FRMD1: variants seen among roughly 807,000 people sequenced by gnomAD.
The protein encoded by FRMD1 is FERM domain containing 1, also known as FERM domain-containing protein 1.
In FRMD1, 51 loss-of-function variants were observed where a neutral mutation model predicts 54.9. That is an observed-to-expected ratio of 0.93 (90% confidence interval 0.74 to 1.17). The LOEUF is 1.17. Among genes scored for constraint, FRMD1 ranks in the 50% most tolerant of loss-of-function variants. The pLI is 0.00. For synonymous variants in FRMD1, 324 were observed against 306.4 expected, an observed-to-expected ratio of 1.06 and a Z score of -0.60; for missense variants, 729 against 743.0, an observed-to-expected ratio of 0.98 and a Z score of 0.22.
chr6:168,088,086 C>A (rs1352428751), intron 1 of FRMD1, among the ~76,000 whole-genome samples: 2 of 152,344 alleles, frequency 1.3e-5, no homozygotes, highest in Non-Finnish European at 2.9e-5. Flanking sequence ...CAGGCCCTCA[C>A]CCCACAACAA....
intron 2 of FRMD1, among the ~76,000 whole-genome samples, chr6:168,071,272 T>C (rs1442915729): frequency 1.3e-5 from 2 of 152,238 alleles, no homozygotes; most frequent in Non-Finnish European, 2.9e-5. Context: ...TGTTTTTTGC[T>C]ACAGGCCTCA....
chr6:168,078,812 ACGGC>A (rs1562430634), intron 1 of FRMD1, 66 bp downstream of exon 1: 21 of 1,155,658 alleles, frequency 1.8e-5, no homozygotes, highest in African/African-American at 7.6e-5. Flanking sequence ...GCTCACCCCC[ACGGC>A]CACCCGGAGC....
Position 168,075,777 on chromosome 6 carries a change from T to C in FRMD1, c.214-442A>G, listed in dbSNP as rs762030252. 8 of 1,550,672 alleles carry C rather than the reference T, an allele frequency of 5.2e-6. No individual in the cohort carries two copies. The South Asian group carries it at 7.1e-5, about 14-fold the overall frequency. ...CAACTGATGCGAGTGATCCCAACAG[T>C]GTTCCTACAGCTGAGCCTCTCACGG... On this transcript the variant is annotated intron_variant, in intron 1 of 10. Transcript: ENST00000283309.
chr6:168,091,884 C>T (rs1583216993), intron 1 of FRMD1, among the ~76,000 whole-genome samples: 1 of 128,874 alleles, frequency 7.8e-6, no homozygotes, highest in East Asian at 1.9e-4. Context: ...TCATTCCACT[C>T]ACTCCGGATC....
rs138335650 is a variant in FRMD1, at chr6:168,064,180, G to A, written c.649-424C>T. On this transcript the variant is annotated intron_variant, in intron 5 of 10. Transcript: ENST00000283309. Reference sequence around the variant, plus strand: ...GGGCACGTGTGGCATCCACAGCACTGGGAGGAAGCCTGGCTGGGCCCCACC... The same window carrying A: ...GGGCACGTGTGGCATCCACAGCACTAGGAGGAAGCCTGGCTGGGCCCCACC... Among the ~76,000 whole-genome samples the A allele has an allele frequency of 5.0e-4, 76 of 152,350 alleles. 1 individual carries two copies. The East Asian group carries it at 0.015, about 29-fold the overall frequency.
rs913146465 is a variant in FRMD1 at position 168,068,889 on chromosome 6, T to G, written c.305-1443A>C. Among the ~76,000 whole-genome samples the G allele has an allele frequency of 4.6e-5, 7 of 152,208 alleles. No individual in the cohort carries two copies. The East Asian group carries it at 1.3e-3, about 29-fold the overall frequency. On this transcript the variant is annotated intron_variant, in intron 2 of 10. Transcript: ENST00000283309. ...GCAGAAAGGGCATCACAGGGCCGGG[T>G]GCCTGGCTCAGCCCCTCTCTGCCCT...
intron 10 of FRMD1, 144 bp from the exon 11 acceptor site, chr6:168,057,483 G>A (rs1799474870): frequency 4.0e-6 from 5 of 1,250,170 alleles, no homozygotes; most frequent in Middle Eastern, 2.8e-4. Context: ...GCCTGCCCCT[G>A]GACGGGTCCC....
At position 168,054,030 on chromosome 6, in the gene FRMD1, G is replaced by A. The variant is rs2114930250; in HGVS notation, c.*3067C>T. ...CTGGGCTGATGGCTGAGGGCCCAGA[G>A]GAGTCCATGCTTCAACACAGGCAAG... On this transcript the variant is annotated 3_prime_UTR_variant, in exon 11 of 11. Transcript: ENST00000283309. 1 of 152,492 alleles carries A rather than the reference G, an allele frequency of 6.6e-6. No individual in the cohort carries two copies. The highest frequency in any genetic ancestry group is 1.9e-4 in the East Asian group (1 of 5,174). 9.4% of individuals were successfully genotyped at this position (152,492 alleles called of 1,614,324 possible).
rs998901784 is a variant in FRMD1 at position 168,062,654 on chromosome 6, A to AC, written c.870+239dup. 16 of 1,548,710 alleles carry AC rather than the reference A, an allele frequency of 1.0e-5. No homozygotes were observed. In the South Asian group the frequency reaches 1.6e-4, roughly 15 times the overall value. ...TGCCCAGGCTTTCCAGGGCACGGGGACCCCCCAGACACCCACCAGAAATGC... is the reference window on the plus strand; with the variant it reads ...TGCCCAGGCTTTCCAGGGCACGGGGACCCCCCCAGACACCCACCAGAAATGC... On this transcript the variant is annotated intron_variant, in intron 7 of 10. Transcript: ENST00000283309.
rs1462597977 is a variant in FRMD1, at chr6:168,063,594, G to A, written c.804+7C>T. On this transcript the variant is annotated splice_region_variant and intron_variant, in intron 6 of 10. Coordinates refer to ENST00000283309, the MANE Select transcript of FRMD1 (RefSeq NM_024919.6). ...TCCAGCCCATCGCTGGCCGCCCTGG[G>A]CTCGACCTTGTGCAGCCTGAAGAAG... is the stretch of plus-strand genomic sequence containing the variant. 3.7e-6 allele frequency: 6 copies of A among 1,606,532 alleles called. No individual in the cohort carries two copies. The East Asian group carries it at 8.9e-5, about 24-fold the overall frequency.
At chr6:168,085,351 C>T (rs1036177308), upstream of FRMD1, among the ~76,000 whole-genome samples, 2 of 152,242 alleles carry the variant, frequency 1.3e-5, no homozygotes, top group African/African-American at 4.8e-5. Flanking sequence ...CAGCCTCCCT[C>T]CACATGGCCA....
intron 2 of FRMD1, among the ~76,000 whole-genome samples, chr6:168,069,271 C>T (rs1370559280): frequency 6.6e-6 from 1 of 152,220 alleles, no homozygotes; most frequent in Non-Finnish European, 1.5e-5. Context: ...ACCCCAGCAC[C>T]CACTCGCTCT....
At position 168,059,467 on chromosome 6, in the gene FRMD1, T is replaced by C. The variant is rs1467610732; in HGVS notation, c.1343-279A>G. 1.3e-5 allele frequency among the ~76,000 whole-genome samples: 2 copies of C among 152,162 alleles called. No homozygotes were observed. Among genetic ancestry groups the C allele is most frequent in the Admixed American group, 6.5e-5 (1 of 15,280 alleles). On this transcript the variant is annotated intron_variant, in intron 9 of 10. Coordinates refer to ENST00000283309, the MANE Select transcript of FRMD1 (RefSeq NM_024919.6). This position sits in a 1 kb window ranked among gnomAD's most constrained non-coding sequence, Gnocchi z 4.4. Reference sequence around the variant, plus strand: ...CATCCTCAGAGATGGAGGCCAACCATCCCTTCCTGGTGGACCAGACACTCC... The same window carrying C: ...CATCCTCAGAGATGGAGGCCAACCACCCCTTCCTGGTGGACCAGACACTCC...
Position 168,057,075 on chromosome 6 carries a change from G to C in FRMD1, c.*22C>G, listed in dbSNP as rs754234084. 5 of 1,452,638 alleles carry C rather than the reference G, an allele frequency of 3.4e-6. No individual in the cohort carries two copies. The highest frequency in any genetic ancestry group is 1.4e-5 in the African/African-American group (1 of 69,670). The allele number at this position is 1,452,638 out of a possible 1,614,324, so 90.0% of individuals were successfully genotyped here. A position where few individuals can be genotyped will look rare whatever the true frequency, so the allele number is the denominator to read the frequency against. The stretch of plus-strand genomic sequence containing the variant: ...AGGGGCTGAGCCTGGCGGTGCGGAC[G>C]GTACTGCTGGGTGGGTGGTGCCTAC... On this transcript the variant is annotated 3_prime_UTR_variant, in exon 11 of 11. Transcript: ENST00000283309.
chr6:168,060,737 C>A (rs2114957394), intron 9 of FRMD1, 24 bp downstream of exon 9: 1 of 1,594,060 alleles, frequency 6.3e-7, no homozygotes, highest in Non-Finnish European at 8.6e-7. Context: ...GTCCCTGAGG[C>A]CTGGGCATCT....
chr6:168,091,036 G>C (rs1467233480), intron 1 of FRMD1, among the ~76,000 whole-genome samples: 2 of 152,236 alleles, frequency 1.3e-5, no homozygotes, highest in Non-Finnish European at 2.9e-5. Context: ...GGCTCCGTGG[G>C]GAGAAGGTGC....
At chr6:168,089,217 G>T (rs1800973923) in intron 1 of FRMD1, among the ~76,000 whole-genome samples, 1 of 152,214 alleles carries the variant, frequency 6.6e-6, no homozygotes, top group Non-Finnish European at 1.5e-5. Context: ...GATTTCTGTT[G>T]CCTTTGCTCC....
At chr6:168,083,850 C>T (rs1290786046), upstream of FRMD1, among the ~76,000 whole-genome samples, 1 of 152,236 alleles carries the variant, frequency 6.6e-6, no homozygotes, top group Non-Finnish European at 1.5e-5. Flanking sequence ...TTATTTCCTT[C>T]TCTTTTTGAT....
chr6:168,081,300 C>T (rs1316384428), upstream of FRMD1: 4 of 1,458,528 alleles, frequency 2.7e-6, no homozygotes, highest in African/African-American at 1.4e-5. Flanking sequence ...ACTTTGCACC[C>T]TGAGAAGGCA....
Sources: allele counts gnomAD v4.1 joint callset (sites outside exome capture counted in the v4.1 genomes callset), GRCh38; gene constraint gnomAD v4.1.1; non-coding constraint Gnocchi (gnomAD v3.1); transcripts MANE v1.5; gene names NCBI Gene and HGNC (gene_info 2026-07-23, HGNC 2026-07-21).